The following GNG4 variants were observed in gnomAD, a reference collection of about 807,000 sequenced individuals.
GNG4 encodes the protein G protein subunit gamma 4, also known as guanine nucleotide-binding protein G(I)/G(S)/G(O) subunit gamma-4.
A neutral mutation model predicts 5.8 loss-of-function variants in GNG4; 4 were observed. The ratio of observed to expected loss-of-function variants is 0.69; its 90% CI spans 0.34 to 1.57. The LOEUF is 1.57. GNG4 is among the 40% of genes most tolerant of loss of function. The pLI, the probability that GNG4 is intolerant of heterozygous loss-of-function variation, is 0.06. For missense variants in GNG4, 96 were observed against 95.1 expected (o/e 1.01, Z -0.04); for synonymous variants, 29 against 32.9 (o/e 0.88, Z 0.41).
At chr1:235,627,541 G>A (rs1379625180) in intron 1 of GNG4, among the ~76,000 whole-genome samples, 1 of 152,072 alleles carries the variant, frequency 6.6e-6, no homozygotes, top group East Asian at 1.9e-4. Flanking sequence ...TAGATGAAAT[G>A]AGATCATGTG....
rs574344096 is a variant in GNG4 at position 235,642,247 on chromosome 1, G to C, written c.-123+7415C>G. On this transcript the variant is annotated intron_variant, in intron 1 of 3. Transcript: ENST00000391854. The surrounding 1 kb of genome is among the most constrained non-coding windows in gnomAD (Gnocchi z 4.3). ...GGCCCCGCTCCCGTGCAGGTGTCGC[G>C]GGTAAGCTGCCGCGGTTACTGTGAA... Among the ~76,000 whole-genome samples, 12 of 152,254 alleles carry C rather than the reference G, an allele frequency of 7.9e-5. No individual in the cohort carries two copies. The highest frequency in any genetic ancestry group is 2.9e-4 in the African/African-American group (12 of 41,462).
intron 1 of GNG4, among the ~76,000 whole-genome samples, chr1:235,608,042 A>C (rs1454679779): frequency 6.7e-6 from 1 of 149,866 alleles, no homozygotes; most frequent in Non-Finnish European, 1.5e-5. Context: ...GGCTCAGGCC[A>C]TTCTCCTTCC....
At chr1:235,587,652 T>G (rs574950037) in intron 2 of GNG4, among the ~76,000 whole-genome samples, 109 of 1,846 alleles carry the variant, frequency 0.059, no homozygotes, top group Non-Finnish European at 0.089. Context: ...TGTGGGAGGG[T>G]GTTGGGTGTG....
At chr1:235,636,575 A>G (rs900992246) in intron 1 of GNG4, among the ~76,000 whole-genome samples, 21 of 152,166 alleles carry the variant, frequency 1.4e-4, no homozygotes, top group African/African-American at 5.1e-4. Context: ...CTCCCATCAG[A>G]GACCTGCGTA....
At chr1:235,647,134 C>A (rs975474497) in intron 1 of GNG4, among the ~76,000 whole-genome samples, 4 of 151,958 alleles carry the variant, frequency 2.6e-5, no homozygotes, top group Non-Finnish European at 5.9e-5. Flanking sequence ...GTACTTATAC[C>A]TCTATTAAAG....
intron 2 of GNG4, among the ~76,000 whole-genome samples, chr1:235,593,870 C>T (rs150468779): frequency 1.1e-4 from 17 of 152,304 alleles, no homozygotes; most frequent in African/African-American, 3.8e-4. Flanking sequence ...GAGTGAGCAG[C>T]AGCAGAATTT....
intron 3 of GNG4, among the ~76,000 whole-genome samples, chr1:235,554,845 CAAAAAAAAAAA>C (rs34093722): frequency 3.4e-4 from 29 of 84,414 alleles, no homozygotes; most frequent in African/African-American, 8.4e-4. Flanking sequence ...AACTCCATCT[CAAAAAAAAAAA>C]AAAAAAAAAA....
intron 1 of GNG4, among the ~76,000 whole-genome samples, chr1:235,598,820 G>A (rs1164255490): frequency 6.6e-6 from 1 of 151,550 alleles, no homozygotes; most frequent in African/African-American, 2.4e-5. Flanking sequence ...CCGACTCCTA[G>A]GTTCAAGTGA....
chr1:235,555,933 T>A (rs1686891533), intron 3 of GNG4, among the ~76,000 whole-genome samples: 1 of 152,030 alleles, frequency 6.6e-6, no homozygotes, highest in Non-Finnish European at 1.5e-5. Context: ...AGTAGGGCGA[T>A]CTCAGCTCAC....
intron 2 of GNG4, among the ~76,000 whole-genome samples, 188 bp downstream of exon 2, chr1:235,595,212 C>T (rs1558490392): frequency 6.6e-6 from 1 of 152,110 alleles, no homozygotes; most frequent in South Asian, 2.1e-4. Context: ...CTAAGGGCCC[C>T]GTGTCTGCCG....
upstream of GNG4, chr1:235,650,129 C>A (rs942804732): frequency 4.0e-5 from 6 of 150,466 alleles, no homozygotes; most frequent in Admixed American, 3.3e-4. Context: ...GGGCCCGCGC[C>A]CCCCGCCCGC....
chr1:235,593,313 C>G (rs1215858230), intron 2 of GNG4, among the ~76,000 whole-genome samples: 2 of 152,202 alleles, frequency 1.3e-5, no homozygotes, highest in African/African-American at 4.8e-5. Context: ...AAAGTTGGGG[C>G]TGGGAGACCA....
intron 1 of GNG4, among the ~76,000 whole-genome samples, chr1:235,595,805 C>T (rs1401698061): frequency 1.3e-5 from 2 of 152,194 alleles, no homozygotes; most frequent in African/African-American, 4.8e-5. Context: ...TCGCTCTGCC[C>T]CCCAACACAA....
rs968532755 is a variant in GNG4, at chr1:235,551,000, T to C, written c.*1109A>G. 3 of 152,188 alleles carry C rather than the reference T, an allele frequency of 2.0e-5. No individual in the cohort carries two copies. The highest frequency in any genetic ancestry group is 7.2e-5 in the African/African-American group (3 of 41,436). 9.4% of individuals were successfully genotyped at this position (152,188 alleles called of 1,614,324 possible). A position where few individuals can be genotyped will look rare whatever the true frequency, so the allele number is the denominator to read the frequency against. The stretch of plus-strand genomic sequence containing the variant: ...CAGTGCTGTGTCCAGAACAGGTCCT[T>C]ATATTACTGCAGCCCACAATGGAAC... On this transcript the variant is annotated 3_prime_UTR_variant, in exon 4 of 4. Coordinates refer to ENST00000391854, the MANE Select transcript of GNG4 (RefSeq NM_001098722.2).
intron 1 of GNG4, among the ~76,000 whole-genome samples, chr1:235,632,205 C>G (rs1688945507): frequency 6.6e-6 from 1 of 152,118 alleles, no homozygotes; most frequent in African/African-American, 2.4e-5. Flanking sequence ...CCTCCTGCCT[C>G]CTTCCTGAGG....
chr1:235,632,405 G>T (rs1428159331), intron 1 of GNG4, among the ~76,000 whole-genome samples: 1 of 152,128 alleles, frequency 6.6e-6, no homozygotes, highest in Non-Finnish European at 1.5e-5. Flanking sequence ...TCTCATCTGT[G>T]TGCAAAGACT....
intron 3 of GNG4, among the ~76,000 whole-genome samples, chr1:235,578,286 T>C (rs985337400): frequency 9.2e-5 from 14 of 152,190 alleles, no homozygotes; most frequent in African/African-American, 3.4e-4. Flanking sequence ...TGACAAGTGT[T>C]GCTGAGTTTG....
In GNG4 at chr1:235,642,152, C is replaced by A. The variant is rs1046389566; in HGVS notation, c.-123+7510G>T. On this transcript the variant is annotated intron_variant, in intron 1 of 3. Transcript: ENST00000391854. This position sits in a 1 kb window ranked among gnomAD's most constrained non-coding sequence, Gnocchi z 4.3. ...GACCGCAGGGGCATTTCACAGCTAA[C>A]CACAGCGGTCCGAGGCGAACGCAGG... Among the ~76,000 whole-genome samples, 5 of 152,196 alleles carry A rather than the reference C, an allele frequency of 3.3e-5. No individual in the cohort carries two copies. The highest frequency in any genetic ancestry group is 2.0e-4 in the Admixed American group (3 of 15,272).
intron 1 of GNG4, among the ~76,000 whole-genome samples, chr1:235,645,924 C>T (rs1475846794): frequency 6.6e-6 from 1 of 152,074 alleles, no homozygotes; most frequent in Non-Finnish European, 1.5e-5. Context: ...AAGACAAGGC[C>T]TTACAGCTGT....
Sources: allele counts gnomAD v4.1 joint callset (sites outside exome capture counted in the v4.1 genomes callset), GRCh38; gene constraint gnomAD v4.1.1; non-coding constraint Gnocchi (gnomAD v3.1); transcripts MANE v1.5; gene names NCBI Gene and HGNC (gene_info 2026-07-23, HGNC 2026-07-21).